ARFGEF3: variants seen among roughly 807,000 people sequenced by gnomAD.
ARFGEF3 encodes the protein brefeldin A-inhibited guanine nucleotide-exchange protein 3.
ARFGEF3 carries 96 observed loss-of-function variants against 221.7 expected under a neutral mutation model. The ratio of observed to expected loss-of-function variants is 0.43; its 90% CI spans 0.37 to 0.51. The LOEUF is 0.51. ARFGEF3 is among the 20% of genes least tolerant of loss of function. The pLI, the probability that ARFGEF3 is intolerant of heterozygous loss-of-function variation, is 0.00. For synonymous variants in ARFGEF3, 1,145 were observed against 1,126.8 expected (o/e 1.02, Z -0.32); for missense variants, 2,410 against 2,789.9 (o/e 0.86, Z 3.07).
chr6:138,268,623 G>A (rs1444547122), intron 12 of ARFGEF3, among the ~76,000 whole-genome samples: 1 of 152,324 alleles, frequency 6.6e-6, no homozygotes, highest in East Asian at 1.9e-4. Context: ...CATGAGCTGC[G>A]ATTGCTGCAG....
chr6:138,322,034 A>T (rs1027246523), intron 29 of ARFGEF3, among the ~76,000 whole-genome samples: 1 of 152,146 alleles, frequency 6.6e-6, no homozygotes, highest in African/African-American at 2.4e-5. Flanking sequence ...GCCAAACATT[A>T]TTGTGGGTGT....
At chr6:138,251,909 A>T (rs183084213) in intron 8 of ARFGEF3, among the ~76,000 whole-genome samples, 4 of 152,232 alleles carry the variant, frequency 2.6e-5, no homozygotes, top group Admixed American at 1.3e-4. Context: ...GTCCCGTAAG[A>T]GTGAAGAAAC....
At chr6:138,166,902 G>A (rs1776734168) in intron 1 of ARFGEF3, among the ~76,000 whole-genome samples, 2 of 152,288 alleles carry the variant, frequency 1.3e-5, no homozygotes, top group South Asian at 4.1e-4. Flanking sequence ...CCAGCCACAG[G>A]TGATTACTTC....
In ARFGEF3 at chr6:138,323,938, AGACACAGTGACGATCTCAGATCCAAGACT is replaced by A; in HGVS notation, c.4870-82_4870-54del. ...GTTGCTGGGTCAGTACTTTTGTCTC[AGACACAGTGACGATCTCAGATCCAAGACT>A]GAGCCCGGCCCATGAACCAGGATGC... On this transcript the variant is annotated intron_variant, in intron 30 of 33. Transcript: ENST00000251691. The A allele has an allele frequency of 3.2e-6, 5 of 1,574,214 alleles. No individual in the cohort carries two copies. In the South Asian group the frequency reaches 5.8e-5, roughly 18 times the overall value.
Position 138,198,875 on chromosome 6 carries a change from C to T in ARFGEF3, c.138-8167C>T, listed in dbSNP as rs191518611. On this transcript the variant is annotated intron_variant, in intron 2 of 33. Coordinates refer to ENST00000251691, the MANE Select transcript of ARFGEF3 (RefSeq NM_020340.5). ...TACCACTTTAAAGCAGTGTGCCCTACGCATAGTTGGTGGGAGCTGACTCTC... is the reference window on the plus strand; with the variant it reads ...TACCACTTTAAAGCAGTGTGCCCTATGCATAGTTGGTGGGAGCTGACTCTC... Among the ~76,000 whole-genome samples, 697 of 152,326 alleles carry T rather than the reference C, an allele frequency of 4.6e-3. 7 individuals are homozygous for T. Among genetic ancestry groups the T allele is most frequent in the Non-Finnish European group, 6.1e-3 (414 of 68,040 alleles).
intron 8 of ARFGEF3, among the ~76,000 whole-genome samples, chr6:138,248,781 C>T (rs1209277669): frequency 1.3e-5 from 2 of 152,136 alleles, no homozygotes; most frequent in Non-Finnish European, 2.9e-5. Flanking sequence ...GCTGAGACTG[C>T]GCCATTGCAC....
At position 138,337,086 on chromosome 6, in the gene ARFGEF3, A is replaced by G. The variant is rs1243825499; in HGVS notation, c.*600A>G. Reference sequence around the variant, plus strand: ...TCAAAATTATTCCTAAATCATTAAGATTTTCAGGTATTCACCAATTTCCCC... The same window carrying G: ...TCAAAATTATTCCTAAATCATTAAGGTTTTCAGGTATTCACCAATTTCCCC... On this transcript the variant is annotated 3_prime_UTR_variant, in exon 34 of 34. Coordinates refer to ENST00000251691, the MANE Select transcript of ARFGEF3 (RefSeq NM_020340.5). 2.0e-5 allele frequency: 3 copies of G among 152,614 alleles called. No individual in the cohort carries two copies. The highest frequency in any genetic ancestry group is 4.4e-5 in the Non-Finnish European group (3 of 68,032). The allele number at this position is 152,614 out of a possible 1,614,324, so 9.5% of individuals were successfully genotyped here. A position where few individuals can be genotyped will look rare whatever the true frequency, so the allele number is the denominator to read the frequency against.
rs764826782 is a variant in ARFGEF3 at position 138,334,338 on chromosome 6, C to T, written c.5492C>T (p.Thr1831Ile). The change falls in exon 33 of 34, where the codon ACC (threonine) becomes ATC (isoleucine). Residue 1831 changes from threonine (T) to isoleucine (I), a missense_variant. Around this residue, in one of 5 missense-constraint regions of ARFGEF3, gnomAD observed 723 missense variants for 991.9 expected, o/e 0.73. Transcript: ENST00000251691. The surrounding 1 kb of genome is among the most constrained non-coding windows in gnomAD (Gnocchi z 5.1). ...LVCAVLTNQE[T>I]ITAEQVKKVL... is the part of the protein sequence containing the mutation. ...TGTGCTGTTCTCACCAATCAAGAAACCATCACGGCCGAGCAAGTGAAGAAG... is the reference window on the plus strand; with the variant it reads ...TGTGCTGTTCTCACCAATCAAGAAATCATCACGGCCGAGCAAGTGAAGAAG... 1 of 1,613,778 alleles carries T rather than the reference C, an allele frequency of 6.2e-7. No individual in the cohort carries two copies. The highest frequency in any genetic ancestry group is 8.5e-7 in the Non-Finnish European group (1 of 1,179,884).
intron 3 of ARFGEF3, 99 bp from the exon 4 acceptor site, chr6:138,209,811 C>T (rs1289061129): frequency 6.9e-7 from 1 of 1,450,496 alleles, no homozygotes. Flanking sequence ...TACACGCCTC[C>T]CCAGTAAGAA....
chr6:138,314,000 A>C (rs1039748259), intron 26 of ARFGEF3, 61 bp downstream of exon 26: 1 of 1,552,884 alleles, frequency 6.4e-7, no homozygotes, highest in African/African-American at 1.4e-5. Flanking sequence ...CAGAAGCTTA[A>C]GTCATAAATG....
intron 25 of ARFGEF3, among the ~76,000 whole-genome samples, chr6:138,311,762 G>A (rs909017389): frequency 1.3e-5 from 2 of 152,266 alleles, no homozygotes; most frequent in Non-Finnish European, 2.9e-5. Flanking sequence ...TCAGATGCCT[G>A]AACTACTGGA....
At chr6:138,307,199 T>C in intron 22 of ARFGEF3, 54 bp from the exon 23 acceptor site, 1 of 1,581,584 alleles carries the variant, frequency 6.3e-7, no homozygotes, top group Admixed American at 1.7e-5. Context: ...TTCCCAGAAA[T>C]TCTGCTCCTT....
intron 29 of ARFGEF3, among the ~76,000 whole-genome samples, chr6:138,322,949 A>G (rs1780060504): frequency 6.6e-6 from 1 of 151,888 alleles, no homozygotes; most frequent in South Asian, 2.1e-4. Flanking sequence ...TGTAGCAGTG[A>G]CACTGGTCAC....
rs940286367 is a variant in ARFGEF3 at position 138,291,077 on chromosome 6, T to G, written c.3048-656T>G. On this transcript the variant is annotated intron_variant, in intron 18 of 33. Transcript: ENST00000251691. The surrounding 1 kb of genome is among the most constrained non-coding windows in gnomAD (Gnocchi z 4.5). ...AGACTTACTCCGAGATGAGGGACCTTGCGAACCATCTTCGTCCCAGGTTCT... is the reference window on the plus strand; with the variant it reads ...AGACTTACTCCGAGATGAGGGACCTGGCGAACCATCTTCGTCCCAGGTTCT... Among the ~76,000 whole-genome samples, 1 of 152,068 alleles carries G rather than the reference T, an allele frequency of 6.6e-6. No homozygotes were observed. The highest frequency in any genetic ancestry group is 1.5e-5 in the Non-Finnish European group (1 of 68,016).
chr6:138,267,338 T>C (rs1778915368), intron 12 of ARFGEF3, among the ~76,000 whole-genome samples: 1 of 151,840 alleles, frequency 6.6e-6, no homozygotes, highest in Admixed American at 6.6e-5. Context: ...GGCAGGAGAA[T>C]CTCTTGAACC....
intron 22 of ARFGEF3, among the ~76,000 whole-genome samples, chr6:138,305,671 G>A (rs987374403): frequency 1.3e-5 from 2 of 148,824 alleles, no homozygotes; most frequent in African/African-American, 4.9e-5. Flanking sequence ...ATTAAACATT[G>A]TGGCATATGG....
intron 2 of ARFGEF3, among the ~76,000 whole-genome samples, chr6:138,190,306 C>A (rs1476080364): frequency 1.3e-5 from 2 of 151,932 alleles, no homozygotes; most frequent in Non-Finnish European, 2.9e-5. Flanking sequence ...GGAGGAAGCA[C>A]TAACCTTGCC....
intron 4 of ARFGEF3, among the ~76,000 whole-genome samples, chr6:138,227,935 CAG>C (rs1474819873): frequency 6.6e-6 from 1 of 152,160 alleles, no homozygotes; most frequent in Non-Finnish European, 1.5e-5. Context: ...GAGCCAAGGA[CAG>C]GGCTTTTCAG....
At chr6:138,203,853 G>A (rs954531959) in intron 2 of ARFGEF3, among the ~76,000 whole-genome samples, 1 of 151,884 alleles carries the variant, frequency 6.6e-6, no homozygotes, top group Non-Finnish European at 1.5e-5. Context: ...ATGTTGGCTA[G>A]GATGGTCTCT....
Sources: gnomAD v4.1 joint callset for allele counts (sites outside exome capture counted in the v4.1 genomes callset) on GRCh38, gnomAD v4.1.1 for gene constraint, gnomAD v4.1.1 regional missense constraint, Gnocchi (gnomAD v3.1) non-coding constraint, MANE v1.5 for transcripts, NCBI Gene and HGNC (gene_info 2026-07-23, HGNC 2026-07-21) for gene names.